Variants in SCYL3 observed in about 807,000 individuals in gnomAD.
The protein encoded by SCYL3 is SCY1 like pseudokinase 3.
SCYL3 carries 35 observed loss-of-function variants against 73.8 expected under a neutral mutation model. The ratio of observed to expected loss-of-function variants is 0.47; its 90% CI spans 0.36 to 0.63. The LOEUF is 0.63. Among genes scored for constraint, SCYL3 ranks in the 20% least tolerant of loss-of-function variants. SCYL3 has a pLI of 0.00. For missense variants in SCYL3, 712 were observed against 798.9 expected (o/e 0.89, Z 1.31); for synonymous variants, 277 against 295.2 (o/e 0.94, Z 0.63).
At chr1:169,859,270 C>T (rs1269869035) in intron 10 of SCYL3, 58 bp from the exon 11 acceptor site, 14 of 1,502,778 alleles carry the variant, frequency 9.3e-6, no homozygotes, top group Non-Finnish European at 1.2e-5. Context: ...CTTTCTTCCC[C>T]TGTAAATGAG....
intron 1 of SCYL3, among the ~76,000 whole-genome samples, chr1:169,890,263 T>C (rs1661984843): frequency 6.6e-6 from 1 of 152,268 alleles, no homozygotes; most frequent in South Asian, 2.1e-4. Flanking sequence ...TCAAATGTTT[T>C]CTAAACCTAT....
At chr1:169,880,265 TTAAAG>T (rs1329544325) in intron 2 of SCYL3, among the ~76,000 whole-genome samples, 32 of 152,186 alleles carry the variant, frequency 2.1e-4, no homozygotes, top group Non-Finnish European at 4.4e-4. Flanking sequence ...ATGAAAATAC[TTAAAG>T]TATTTAGCCA....
intron 1 of SCYL3, among the ~76,000 whole-genome samples, chr1:169,890,042 G>A (rs1204861839): frequency 6.6e-6 from 1 of 152,178 alleles, no homozygotes; most frequent in Non-Finnish European, 1.5e-5. Flanking sequence ...AACAGGTAAT[G>A]TGCAGTGCCC....
chr1:169,858,264 T>C (rs1659348287), intron 11 of SCYL3, among the ~76,000 whole-genome samples: 1 of 152,228 alleles, frequency 6.6e-6, no homozygotes, highest in Non-Finnish European at 1.5e-5. Flanking sequence ...TAAAATTATT[T>C]ACTTATTTTT....
chr1:169,850,123 C>G lies in SCYL3; in HGVS notation c.*3590G>C, dbSNP rs1432360652. ...TTATCCTTAGGGACCCTGAAGGAATCATGAGTTTATCACCTTTGAGGATCC... is the reference window on the plus strand; with the variant it reads ...TTATCCTTAGGGACCCTGAAGGAATGATGAGTTTATCACCTTTGAGGATCC... On this transcript the variant is annotated 3_prime_UTR_variant, in exon 13 of 13. Coordinates refer to ENST00000367771, the MANE Select transcript of SCYL3 (RefSeq NM_020423.7). 1 of 606,340 alleles carries G rather than the reference C, an allele frequency of 1.6e-6. No homozygotes were observed. Among genetic ancestry groups the G allele is most frequent in the Non-Finnish European group, 2.9e-6 (1 of 342,104 alleles). 37.6% of individuals were successfully genotyped at this position (606,340 alleles called of 1,614,324 possible). A position where few individuals can be genotyped will look rare whatever the true frequency, so the allele number is the denominator to read the frequency against.
chr1:169,876,806 T>C (rs573114292), intron 3 of SCYL3, among the ~76,000 whole-genome samples: 2 of 151,772 alleles, frequency 1.3e-5, no homozygotes, highest in African/African-American at 2.4e-5. Flanking sequence ...ATACAAAATA[T>C]TAGCCGGGCA....
At chr1:169,877,343 A>C (rs1660920533) in intron 3 of SCYL3, among the ~76,000 whole-genome samples, 1 of 151,976 alleles carries the variant, frequency 6.6e-6, no homozygotes, top group Non-Finnish European at 1.5e-5. Context: ...GTTTTTGTAG[A>C]GATAGGGTCT....
rs754300749 is a variant in SCYL3, at chr1:169,853,812, AATC to A, written c.2008-43_2008-41del. 1.9e-6 allele frequency: 3 copies of A among 1,589,976 alleles called. No individual in the cohort carries two copies. The African/African-American group carries it at 4.1e-5, about 22-fold the overall frequency. On this transcript the variant is annotated intron_variant, in intron 12 of 12. Transcript: ENST00000367771. ...AGCACACCAAGAACCCACTGAAACA[AATC>A]ATATGCAAAAATCATACGCAAATTT...
intron 1 of SCYL3, among the ~76,000 whole-genome samples, chr1:169,892,281 T>C (rs1357395630): frequency 6.6e-6 from 1 of 152,214 alleles, no homozygotes; most frequent in Non-Finnish European, 1.5e-5. Flanking sequence ...AATAGAGATA[T>C]GGTCTTGTTC....
chr1:169,855,920 C>T, intron 11 of SCYL3: 1 of 1,613,804 alleles, frequency 6.2e-7, no homozygotes, highest in Non-Finnish European at 8.5e-7. Context: ...TTGGCGAGAT[C>T]TGACTGTGAT....
At position 169,853,737 on chromosome 1, in the gene SCYL3, C is replaced by G. The variant is rs761995382; in HGVS notation, c.2043G>C (p.Leu681=). Residue 681 remains leucine, a synonymous_variant, in exon 13 of 13, where the codon CTG becomes CTC. Transcript: ENST00000367771. ...GTCACCAGTTATTATCTTCCCAGTTCAGCTCCCCTTCTTCTTCCCAGCCTT... is the reference window on the plus strand; with the variant it reads ...GTCACCAGTTATTATCTTCCCAGTTGAGCTCCCCTTCTTCTTCCCAGCCTT... ...EAEGWEEEGE[L]NWEDNNW 29 of 1,613,662 alleles carry G rather than the reference C, an allele frequency of 1.8e-5. No homozygotes were observed. Among genetic ancestry groups the G allele is most frequent in the Non-Finnish European group, 2.3e-5 (27 of 1,179,864 alleles).
rs1658743744 is a variant in SCYL3, at chr1:169,853,760, C to T, written c.2020G>A (p.Gly674Ser). Reference protein sequence around the residue: ...AAEITEGEAEGWEEEGELNWE... With the variant: ...AAEITEGEAESWEEEGELNWE... ...TTCAGCTCCCCTTCTTCTTCCCAGCCTTCAGCCTCTCCCTGCAACAAAATA... is the reference window on the plus strand; with the variant it reads ...TTCAGCTCCCCTTCTTCTTCCCAGCTTTCAGCCTCTCCCTGCAACAAAATA... The change falls in exon 13 of 13, where the codon GGC becomes AGC. Residue 674 changes from glycine to serine, a missense_variant. Gly to Ser is a moderately conservative substitution (Grantham distance 56). Transcript: ENST00000367771. 3.7e-6 allele frequency: 6 copies of T among 1,613,804 alleles called. No homozygotes were observed. The highest frequency in any genetic ancestry group is 5.1e-6 in the Non-Finnish European group (6 of 1,179,924).
intron 11 of SCYL3, 150 bp from the exon 12 acceptor site, chr1:169,855,114 T>TGA: frequency 1.7e-6 from 1 of 580,624 alleles, no homozygotes; most frequent in Non-Finnish European, 3.0e-6. Flanking sequence ...CAGCAGAACA[T>TGA]TACTCAAGAT....
In SCYL3 at chr1:169,862,847, G is replaced by A. The variant is rs1394133960; in HGVS notation, c.956-50C>T. On this transcript the variant is annotated intron_variant, in intron 9 of 12. Coordinates refer to ENST00000367771, the MANE Select transcript of SCYL3 (RefSeq NM_020423.7). Reference sequence around the variant, plus strand: ...GATGAAAAAACAAATTTTCATTTCAGTGAAAAGTATTAAGCATAATTCATA... The same window carrying A: ...GATGAAAAAACAAATTTTCATTTCAATGAAAAGTATTAAGCATAATTCATA... The A allele has an allele frequency of 3.2e-6, 5 of 1,574,556 alleles. No individual in the cohort carries two copies. The African/African-American group carries it at 4.0e-5, about 13-fold the overall frequency.
chr1:169,853,830 T>TA (rs1284965575), intron 12 of SCYL3, 58 bp from the exon 13 acceptor site: 4 of 1,585,672 alleles, frequency 2.5e-6, no homozygotes, highest in Non-Finnish European at 3.4e-6. Context: ...GCAAAAATCA[T>TA]ACGCAAATTT....
rs759657057 is a variant in SCYL3 at position 169,852,894 on chromosome 1, A to G, written c.*819T>C. Reference sequence around the variant, plus strand: ...TGGAAGCAACTGAGTCACTACTCCAAAAGGGTCCTGCTCCAGCCTGGCTTT... The same window carrying G: ...TGGAAGCAACTGAGTCACTACTCCAGAAGGGTCCTGCTCCAGCCTGGCTTT... On this transcript the variant is annotated 3_prime_UTR_variant, in exon 13 of 13. Transcript: ENST00000367771. 2.2e-5 allele frequency: 36 copies of G among 1,614,166 alleles called. No individual in the cohort carries two copies. The highest frequency in any genetic ancestry group is 2.7e-5 in the Non-Finnish European group (32 of 1,179,990).
chr1:169,882,736 A>G (rs1001449485), intron 2 of SCYL3, among the ~76,000 whole-genome samples: 4 of 152,066 alleles, frequency 2.6e-5, no homozygotes, highest in Admixed American at 6.5e-5. Context: ...GTATCTAGCT[A>G]CTCTGGTGGG....
At chr1:169,857,202 TTAA>T (rs1283875139) in intron 11 of SCYL3, among the ~76,000 whole-genome samples, 1 of 152,222 alleles carries the variant, frequency 6.6e-6, no homozygotes, top group East Asian at 1.9e-4. Flanking sequence ...ACATCTAGTG[TTAA>T]TAAGAATTGA....
chr1:169,854,135 A>G lies in SCYL3; in HGVS notation c.2007+135T>C, dbSNP rs1658862940. ...GGAAAGATAGATACCAATGATAGAAACTGATTTTGTTAATTTTGTGCTTGA... is the reference window on the plus strand; with the variant it reads ...GGAAAGATAGATACCAATGATAGAAGCTGATTTTGTTAATTTTGTGCTTGA... On this transcript the variant is annotated intron_variant, in intron 12 of 12. Transcript: ENST00000367771. 3 of 691,986 alleles carry G rather than the reference A, an allele frequency of 4.3e-6. No individual in the cohort carries two copies. The East Asian group carries it at 8.5e-5, about 20-fold the overall frequency. 42.9% of individuals were successfully genotyped at this position (691,986 alleles called of 1,614,324 possible).
Sources: allele counts gnomAD v4.1 joint callset (sites outside exome capture counted in the v4.1 genomes callset), GRCh38; gene constraint gnomAD v4.1.1; transcripts MANE v1.5; gene names NCBI Gene and HGNC (gene_info 2026-07-23, HGNC 2026-07-21).